CCSER1: variants seen among roughly 807,000 people sequenced by gnomAD.
The protein encoded by CCSER1 is coiled-coil serine rich protein 1.
A neutral mutation model predicts 82.0 loss-of-function variants in CCSER1; 41 were observed. The ratio of observed to expected loss-of-function variants is 0.50; its 90% CI spans 0.39 to 0.65. CCSER1 has a LOEUF of 0.65. Among genes scored for constraint, CCSER1 ranks in the 30% least tolerant of loss-of-function variants. The pLI is 0.00. For synonymous variants in CCSER1, 414 were observed against 383.9 expected (o/e 1.08, Z -0.92); for missense variants, 1,119 against 1,064.2 (o/e 1.05, Z -0.72).
intron 8 of CCSER1, among the ~76,000 whole-genome samples, chr4:90,838,574 A>C (rs1025261471): frequency 1.3e-5 from 2 of 150,772 alleles, no homozygotes; most frequent in Non-Finnish European, 3.0e-5. Context: ...AAAAAATGGC[A>C]CTCTGATTAA....
At chr4:91,330,162 A>G (rs1746849067) in intron 10 of CCSER1, among the ~76,000 whole-genome samples, 1 of 152,192 alleles carries the variant, frequency 6.6e-6, no homozygotes, top group African/African-American at 2.4e-5. Context: ...GATAAGCAGT[A>G]ATTTCATTAT....
intron 5 of CCSER1, among the ~76,000 whole-genome samples, chr4:90,532,355 C>T (rs1276087738): frequency 6.6e-6 from 1 of 152,060 alleles, no homozygotes; most frequent in African/African-American, 2.4e-5. Flanking sequence ...CCATCTTAAA[C>T]ACTTCTTTTT....
At chr4:90,911,250 G>A (rs755207111) in intron 8 of CCSER1, 5 of 455,786 alleles carry the variant, frequency 1.1e-5, no homozygotes, top group South Asian at 7.8e-5. Context: ...GTGTCTCCTT[G>A]ATAGCTCCCG....
At chr4:90,767,222 G>T (rs1414904306) in intron 7 of CCSER1, among the ~76,000 whole-genome samples, 1 of 152,140 alleles carries the variant, frequency 6.6e-6, no homozygotes, top group Non-Finnish European at 1.5e-5. Flanking sequence ...TTCTAAGTTT[G>T]TTCTTTTTTT....
At chr4:91,260,746 A>T (rs1414369721) in intron 10 of CCSER1, among the ~76,000 whole-genome samples, 1 of 150,978 alleles carries the variant, frequency 6.6e-6, no homozygotes, top group East Asian at 1.9e-4. Flanking sequence ...GAAGTTTTTT[A>T]TTTATTTATT....
intron 1 of CCSER1, among the ~76,000 whole-genome samples, chr4:90,273,371 G>A (rs1448036100): frequency 6.6e-6 from 1 of 152,120 alleles, no homozygotes; most frequent in Non-Finnish European, 1.5e-5. Context: ...GAATATAATT[G>A]TTTGTAACAC....
chr4:90,364,131 C>T (rs1006282526), intron 3 of CCSER1, among the ~76,000 whole-genome samples: 17 of 151,960 alleles, frequency 1.1e-4, no homozygotes, highest in South Asian at 4.1e-4. Flanking sequence ...TATATTCAAG[C>T]TAAAAATAAT....
In CCSER1 at chr4:91,050,639, TA is replaced by T. The variant is rs1742927362; in HGVS notation, c.2173-35310del. Among the ~76,000 whole-genome samples, 3 of 152,164 alleles carry T rather than the reference TA, an allele frequency of 2.0e-5. 1 individual carries two copies. Among genetic ancestry groups the T allele is most frequent in the African/African-American group, 7.2e-5 (3 of 41,454 alleles). ...AGCAAAGTCACTCTGCCAATGTAAT[TA>T]GCTTTGTCTTGTTTCAACTAGTCGA... is the stretch of plus-strand genomic sequence containing the variant. On this transcript the variant is annotated intron_variant, in intron 9 of 10. Transcript: ENST00000509176.
chr4:90,574,021 T>G (rs565236227), intron 5 of CCSER1, among the ~76,000 whole-genome samples: 2 of 143,834 alleles, frequency 1.4e-5, no homozygotes, highest in South Asian at 2.1e-4. Context: ...AAGGATATTG[T>G]TTTTTTTTTA....
intron 10 of CCSER1, among the ~76,000 whole-genome samples, chr4:91,203,775 G>A (rs146822012): frequency 6.6e-6 from 1 of 151,842 alleles, no homozygotes; most frequent in East Asian, 1.9e-4. Context: ...GGCATATTTG[G>A]TGAGATTCTG....
chr4:90,501,661 C>T (rs1189764826), intron 5 of CCSER1, among the ~76,000 whole-genome samples: 1 of 152,032 alleles, frequency 6.6e-6, no homozygotes, highest in Non-Finnish European at 1.5e-5. Flanking sequence ...AATCTATATG[C>T]CCACTTGTCA....
intron 7 of CCSER1, among the ~76,000 whole-genome samples, chr4:90,754,057 A>G (rs1561076347): frequency 6.6e-6 from 1 of 152,188 alleles, no homozygotes; most frequent in Non-Finnish European, 1.5e-5. Flanking sequence ...AATAGCTGCC[A>G]TATTCAGGTT....
intron 6 of CCSER1, among the ~76,000 whole-genome samples, chr4:90,647,427 A>G (rs1055330880): frequency 2.0e-5 from 3 of 152,210 alleles, no homozygotes; most frequent in Admixed American, 6.5e-5. Context: ...CTATTGGTCA[A>G]TTTAGCAAAT....
intron 10 of CCSER1, among the ~76,000 whole-genome samples, chr4:91,586,971 AAT>A (rs1764028183): frequency 1.3e-5 from 2 of 151,754 alleles, no homozygotes; most frequent in African/African-American, 2.4e-5. Flanking sequence ...TGAAATAATA[AAT>A]AGTGAAGAAA....
chr4:90,413,958 AAAAAAAAAAAAAAAAAAAAAAAAATATAT>A (rs1485980714), intron 4 of CCSER1, among the ~76,000 whole-genome samples: 1 of 102,626 alleles, frequency 9.7e-6, no homozygotes, highest in African/African-American at 5.4e-5. Context: ...CAAAAAAAAA[AAAAAAAAAAAAAAAAAAAAAAAAATATAT>A]ATATATATAT....
intron 10 of CCSER1, among the ~76,000 whole-genome samples, chr4:91,101,068 G>A (rs1725010660): frequency 6.6e-6 from 1 of 152,186 alleles, no homozygotes; most frequent in Admixed American, 6.5e-5. Context: ...AACAAGTGAG[G>A]GGGAGCCAGC....
intron 9 of CCSER1, among the ~76,000 whole-genome samples, chr4:91,022,978 G>T (rs1740143556): frequency 6.6e-6 from 1 of 152,192 alleles, no homozygotes; most frequent in Admixed American, 6.5e-5. Context: ...CACTCTGATG[G>T]TAGTTTCTTT....
chr4:91,518,500 G>A (rs575415780), intron 10 of CCSER1, among the ~76,000 whole-genome samples: 1 of 152,146 alleles, frequency 6.6e-6, no homozygotes, highest in Admixed American at 6.5e-5. Flanking sequence ...GTTTTTGGTT[G>A]CCCTGGTAGC....
In CCSER1 at chr4:91,215,153, T is replaced by C. The variant is rs144627513; in HGVS notation, c.2217+129159T>C. Among the ~76,000 whole-genome samples the C allele has an allele frequency of 3.5e-3, 536 of 152,286 alleles. 2 individuals carry two copies. Among genetic ancestry groups the C allele is most frequent in the Non-Finnish European group, 3.8e-3 (260 of 68,002 alleles). ...ATGATAAAATATACCTTTGTACCTA[T>C]ATATGGTGAGCCTTGATAAACATTA... On this transcript the variant is annotated intron_variant, in intron 10 of 10. Transcript: ENST00000509176.
Sources: allele counts gnomAD v4.1 joint callset (sites outside exome capture counted in the v4.1 genomes callset), GRCh38; gene constraint gnomAD v4.1.1; transcripts MANE v1.5; gene names NCBI Gene and HGNC (gene_info 2026-07-23, HGNC 2026-07-21).